CDH12: variants seen among roughly 807,000 people sequenced by gnomAD.
CDH12 encodes cadherin 12, also known as cadherin-12.
Under a neutral mutation model 74.1 loss-of-function variants are expected in CDH12, and 41 were observed. The ratio of observed to expected loss-of-function variants is 0.55; its 90% CI spans 0.43 to 0.72. CDH12 has a LOEUF of 0.72. Among genes scored for constraint, CDH12 ranks in the 30% least tolerant of loss-of-function variants. CDH12 has a pLI of 0.00. For synonymous variants in CDH12, 399 were observed against 355.0 expected, an observed-to-expected ratio of 1.12 and a Z score of -1.39; for missense variants, 945 against 977.2, an observed-to-expected ratio of 0.97 and a Z score of 0.44.
At chr5:21,998,761 A>G (rs529687273) in intron 5 of CDH12, among the ~76,000 whole-genome samples, 2 of 152,200 alleles carry the variant, frequency 1.3e-5, no homozygotes, top group South Asian at 4.1e-4. Flanking sequence ...GAATGAGGGA[A>G]CCACAGCTGG....
intron 11 of CDH12, among the ~76,000 whole-genome samples, chr5:21,770,895 A>G (rs1351163595): frequency 6.6e-6 from 1 of 152,134 alleles, no homozygotes; most frequent in African/African-American, 2.4e-5. Flanking sequence ...AAAGAATAAG[A>G]TCATGACCTT....
intron 1 of CDH12, among the ~76,000 whole-genome samples, chr5:22,839,051 G>C (rs76257266): frequency 6.6e-6 from 1 of 151,992 alleles, no homozygotes; most frequent in East Asian, 1.9e-4. Flanking sequence ...TAGTGTCGGT[G>C]TTTTTGTTAA....
At chr5:22,587,987 T>C (rs1580793393) in intron 1 of CDH12, among the ~76,000 whole-genome samples, 1 of 148,868 alleles carries the variant, frequency 6.7e-6, no homozygotes, top group Non-Finnish European at 1.5e-5. Flanking sequence ...TCCATACATA[T>C]ATATGTGTGT....
intron 3 of CDH12, among the ~76,000 whole-genome samples, chr5:22,376,025 C>T (rs1447000949): frequency 1.3e-5 from 2 of 152,176 alleles, no homozygotes; most frequent in Non-Finnish European, 1.5e-5. Context: ...TTTATTGTGG[C>T]ATTATTCACC....
At chr5:22,700,875 C>T (rs1742677758) in intron 1 of CDH12, among the ~76,000 whole-genome samples, 1 of 152,156 alleles carries the variant, frequency 6.6e-6, no homozygotes. Context: ...TCTGAAAAGA[C>T]TTTTTAATAA....
intron 1 of CDH12, among the ~76,000 whole-genome samples, chr5:22,645,348 A>T (rs1290750276): frequency 6.6e-6 from 1 of 152,106 alleles, no homozygotes; most frequent in Admixed American, 6.6e-5. Flanking sequence ...CCGTGGAGGA[A>T]GTAACTGCAG....
At chr5:21,774,784 A>G (rs1430001799) in intron 11 of CDH12, among the ~76,000 whole-genome samples, 1 of 152,228 alleles carries the variant, frequency 6.6e-6, no homozygotes, top group African/African-American at 2.4e-5. Flanking sequence ...AATTGAAAGA[A>G]GAAAGGATTG....
chr5:22,696,172 T>C (rs1179026790), intron 1 of CDH12, among the ~76,000 whole-genome samples: 1 of 151,868 alleles, frequency 6.6e-6, no homozygotes, highest in African/African-American at 2.4e-5. Flanking sequence ...ATCGAGACCA[T>C]CCTGGCTAAC....
At chr5:22,065,188 C>G (rs1293966456) in intron 5 of CDH12, among the ~76,000 whole-genome samples, 1 of 152,124 alleles carries the variant, frequency 6.6e-6, no homozygotes, top group African/African-American at 2.4e-5. Flanking sequence ...AGTTGTGTAA[C>G]TAGACCCAAG....
intron 1 of CDH12, among the ~76,000 whole-genome samples, chr5:22,641,294 G>A (rs1237938661): frequency 1.3e-5 from 2 of 152,120 alleles, no homozygotes; most frequent in Non-Finnish European, 2.9e-5. Flanking sequence ...GGTTTGAGGG[G>A]GTACTAGTGC....
chr5:22,600,729 C>G (rs1465677658), intron 1 of CDH12, among the ~76,000 whole-genome samples: 1 of 151,462 alleles, frequency 6.6e-6, no homozygotes, highest in Non-Finnish European at 1.5e-5. Flanking sequence ...TTTTTTTCAC[C>G]TGTCTACTGT....
chr5:22,814,352 AACT>A (rs1390069700), intron 1 of CDH12, among the ~76,000 whole-genome samples: 2 of 152,188 alleles, frequency 1.3e-5, no homozygotes, highest in African/African-American at 4.8e-5. Context: ...TTTTTATAAC[AACT>A]ACATATTAAA....
chr5:22,175,159 A>T (rs960008164), intron 4 of CDH12, among the ~76,000 whole-genome samples: 4 of 152,098 alleles, frequency 2.6e-5, no homozygotes, highest in African/African-American at 9.7e-5. Context: ...GAATTGTCTC[A>T]TAAATAAATT....
intron 4 of CDH12, among the ~76,000 whole-genome samples, chr5:22,111,900 T>C (rs1391549865): frequency 6.6e-6 from 1 of 152,192 alleles, no homozygotes; most frequent in East Asian, 1.9e-4. Context: ...TTTTCGTGTC[T>C]ATATTACATG....
chr5:21,816,486 G>A (rs545015668), intron 9 of CDH12, among the ~76,000 whole-genome samples: 22 of 151,012 alleles, frequency 1.5e-4, no homozygotes, highest in Non-Finnish European at 3.1e-4. Context: ...CTAGCCGGGC[G>A]TGGTGGTGCA....
intron 1 of CDH12, among the ~76,000 whole-genome samples, chr5:22,611,383 T>C (rs1044078592): frequency 2.0e-5 from 3 of 152,178 alleles, no homozygotes; most frequent in African/African-American, 7.2e-5. Flanking sequence ...GCAAATTTAG[T>C]CAATTCTGGC....
chr5:21,859,334 T>C (rs7443453), intron 6 of CDH12, among the ~76,000 whole-genome samples: 147,690 of 151,958 alleles, frequency 0.97, 71,859 homozygotes, highest in Non-Finnish European at 1. Context: ...AGAAGAAGTG[T>C]CAAGCAAAGG....
At chr5:21,832,136 A>G (rs1223022855) in intron 8 of CDH12, among the ~76,000 whole-genome samples, 4 of 152,002 alleles carry the variant, frequency 2.6e-5, no homozygotes, top group Admixed American at 6.6e-5. Flanking sequence ...TTTCTAAGGG[A>G]CCTGTCAATA....
intron 5 of CDH12, among the ~76,000 whole-genome samples, chr5:22,003,056 C>T (rs1456092456): frequency 6.6e-6 from 1 of 151,980 alleles, no homozygotes; most frequent in Non-Finnish European, 1.5e-5. Context: ...GCATAGTTTT[C>T]ACTTTAATAA....
Sources: gnomAD v4.1 joint callset for allele counts (sites outside exome capture counted in the v4.1 genomes callset) on GRCh38, gnomAD v4.1.1 for gene constraint, MANE v1.5 for transcripts, NCBI Gene and HGNC (gene_info 2026-07-23, HGNC 2026-07-21) for gene names.